Variants in DCN observed in about 807,000 individuals in gnomAD.
The protein encoded by DCN is decorin.
A neutral mutation model predicts 36.5 loss-of-function variants in DCN; 17 were observed. The ratio of observed to expected loss-of-function variants is 0.47; its 90% CI spans 0.32 to 0.70. DCN has a LOEUF of 0.70. Ranked by LOEUF, DCN falls within the 30% of genes least tolerant of loss-of-function variation. The pLI is 0.04. For synonymous variants in DCN, 163 were observed against 161.4 expected (o/e 1.01, Z -0.07); for missense variants, 389 against 430.1 (o/e 0.90, Z 0.84).
Position 91,143,789 on chromosome 12 carries a change from TAC to T in DCN, c.*2267_*2268del, listed in dbSNP as rs1565767632. On this transcript the variant is annotated 3_prime_UTR_variant, in exon 8 of 8. Coordinates refer to ENST00000052754, the MANE Select transcript of DCN (RefSeq NM_001920.5). ...ATCTTTATTTCAAAGGAAATAAAGA[TAC>T]ATATATATGTATATATGCAAAAAGA... 6.7e-6 allele frequency: 1 copy of T among 149,362 alleles called. No individual in the cohort carries two copies. Among genetic ancestry groups the T allele is most frequent in the Non-Finnish European group, 1.5e-5 (1 of 67,512 alleles). 9.3% of individuals were successfully genotyped at this position (149,362 alleles called of 1,614,324 possible).
intron 3 of DCN, among the ~76,000 whole-genome samples, chr12:91,164,285 G>A (rs1294739244): frequency 6.7e-6 from 1 of 150,062 alleles, no homozygotes; most frequent in Non-Finnish European, 1.5e-5. Flanking sequence ...GTTAGTGGGT[G>A]CAGCGCACCA....
In DCN at chr12:91,178,559, T is replaced by G. The variant is rs781069074; in HGVS notation, c.-7A>C. 1 of 1,612,912 alleles carries G rather than the reference T, an allele frequency of 6.2e-7. No individual in the cohort carries two copies. Among genetic ancestry groups the G allele is most frequent in the African/African-American group, 1.3e-5 (1 of 74,844 alleles). On this transcript the variant is annotated 5_prime_UTR_variant, in exon 2 of 8. Transcript: ENST00000052754. ...GGATGATAGTGGCCTTCATGATTTA[T>G]CTCATGTATTTTCACAACCAGGGAA...
intron 2 of DCN, among the ~76,000 whole-genome samples, chr12:91,169,328 C>T (rs1396992607): frequency 1.6e-5 from 2 of 123,762 alleles, no homozygotes; most frequent in East Asian, 5.3e-4. Context: ...CTACAGTGAG[C>T]TGTGATCATG....
At chr12:91,147,632 CA>C (rs1881113696) in intron 7 of DCN, among the ~76,000 whole-genome samples, 1 of 151,612 alleles carries the variant, frequency 6.6e-6, no homozygotes, top group African/African-American at 2.4e-5. Context: ...GTTTTCAGGA[CA>C]AAAAATATAT....
intron 3 of DCN, among the ~76,000 whole-genome samples, chr12:91,161,389 A>T (rs112726035): frequency 1.3e-5 from 2 of 152,378 alleles, no homozygotes; most frequent in African/African-American, 4.8e-5. Flanking sequence ...TCATCCTTTA[A>T]AACAGTAGCT....
rs1416804145 is a variant in DCN at position 91,141,253 on chromosome 12, A to G, written c.*4805T>C. On this transcript the variant is annotated 3_prime_UTR_variant, in exon 8 of 8. Transcript: ENST00000052754. ...ATTGTCATTACCTTTCTGACCTTGT[A>G]TCATATATTATCTCTTCTTGCTCAC... The G allele has an allele frequency of 2.6e-5, 4 of 152,052 alleles. No homozygotes were observed. Among genetic ancestry groups the G allele is most frequent in the South Asian group, 4.1e-4 (2 of 4,826 alleles). The allele number at this position is 152,052 out of a possible 1,614,324, so 9.4% of individuals were successfully genotyped here. A position where few individuals can be genotyped will look rare whatever the true frequency, so the allele number is the denominator to read the frequency against.
intron 5 of DCN, among the ~76,000 whole-genome samples, chr12:91,154,319 G>A (rs1881622127): frequency 6.6e-6 from 1 of 152,062 alleles, no homozygotes. Flanking sequence ...ATTGACCTTG[G>A]CACTTTTCCT....
chr12:91,153,058 C>G, intron 6 of DCN, 38 bp downstream of exon 6: 1 of 1,054,258 alleles, frequency 9.5e-7, no homozygotes, highest in Non-Finnish European at 1.5e-6. Flanking sequence ...TATACCTAGC[C>G]ATTGTTCTGA....
At chr12:91,157,988 G>A (rs570449180) in intron 4 of DCN, among the ~76,000 whole-genome samples, 2 of 152,186 alleles carry the variant, frequency 1.3e-5, no homozygotes, top group Admixed American at 6.5e-5. Context: ...TCCCCAAAAC[G>A]GAAAGGTATC....
intron 2 of DCN, among the ~76,000 whole-genome samples, chr12:91,170,315 T>C (rs1457038566): frequency 2.0e-5 from 3 of 152,172 alleles, no homozygotes; most frequent in East Asian, 3.9e-4. Context: ...AACTCTTTCT[T>C]TTCTGTACAA....
intron 2 of DCN, among the ~76,000 whole-genome samples, chr12:91,165,751 G>GA (rs1565783275): frequency 6.6e-6 from 1 of 152,032 alleles, no homozygotes; most frequent in Non-Finnish European, 1.5e-5. Flanking sequence ...GCCTTTGGTA[G>GA]AAGCAATCTC....
chr12:91,142,845 T>A lies in DCN; in HGVS notation c.*3213A>T, dbSNP rs985782152. Reference sequence around the variant, plus strand: ...AACAGTTTTAATGAAAACAAAAAAATTAAACATTTAATAAGGAAAAAAGAA... The same window carrying A: ...AACAGTTTTAATGAAAACAAAAAAAATAAACATTTAATAAGGAAAAAAGAA... On this transcript the variant is annotated 3_prime_UTR_variant, in exon 8 of 8. Coordinates refer to ENST00000052754, the MANE Select transcript of DCN (RefSeq NM_001920.5). The A allele has an allele frequency of 6.6e-6, 1 of 152,088 alleles. No individual in the cohort carries two copies. Among genetic ancestry groups the A allele is most frequent in the Non-Finnish European group, 1.5e-5 (1 of 68,018 alleles). 9.4% of individuals were successfully genotyped at this position (152,088 alleles called of 1,614,324 possible). A position where few individuals can be genotyped will look rare whatever the true frequency, so the allele number is the denominator to read the frequency against.
In DCN at chr12:91,151,724, C is replaced by T; in HGVS notation, c.815G>A (p.Arg272Lys). 3 of 1,614,044 alleles carry T rather than the reference C, an allele frequency of 1.9e-6. No homozygotes were observed. Among genetic ancestry groups the T allele is most frequent in the Non-Finnish European group, 2.5e-6 (3 of 1,179,970 alleles). ...NGSLANTPHL[R>K]ELHLDNNKLT... ...CTTGTTGTTGTCCAAGTGAAGCTCCCTCAGATGAGGCGTGTTGGCCAGAGA... is the reference window on the plus strand; with the variant it reads ...CTTGTTGTTGTCCAAGTGAAGCTCCTTCAGATGAGGCGTGTTGGCCAGAGA... Residue 272 changes from arginine to lysine, a missense_variant, in exon 7 of 8, where the codon AGG (arginine) becomes AAG (lysine). Coordinates refer to ENST00000052754, the MANE Select transcript of DCN (RefSeq NM_001920.5).
chr12:91,158,449 C>A lies in DCN; in HGVS notation c.385G>T (p.Val129Leu). 6.2e-7 allele frequency: 1 copy of A among 1,610,766 alleles called. No homozygotes were observed. The highest frequency in any genetic ancestry group is 8.5e-7 in the Non-Finnish European group (1 of 1,176,986). ...KVSPGAFTPL[V>L]KLERLYLSKN... ...GACAGATAAAGTCGTTCCAACTTCA[C>A]CAAAGGTGTAAATGCTCCAGGACTA... The change falls in exon 4 of 8, where the codon GTG becomes TTG. Residue 129 changes from valine to leucine, a missense_variant. Coordinates refer to ENST00000052754, the MANE Select transcript of DCN (RefSeq NM_001920.5).
chr12:91,159,583 T>C (rs1882029385), intron 3 of DCN, among the ~76,000 whole-genome samples: 1 of 152,066 alleles, frequency 6.6e-6, no homozygotes, highest in Non-Finnish European at 1.5e-5. Flanking sequence ...ATTTTTCTCC[T>C]GATTTTTTTT....
chr12:91,172,886 AAT>A (rs1261684900), intron 2 of DCN: 2 of 615,196 alleles, frequency 3.3e-6, no homozygotes, highest in African/African-American at 3.7e-5. Context: ...AAAAAAATAA[AAT>A]AGATATATAA....
intron 7 of DCN, chr12:91,151,318 T>TA (rs201715198): frequency 1.1e-3 from 229 of 207,870 alleles, no homozygotes; most frequent in South Asian, 2.8e-3. Context: ...TTAGTGACAG[T>TA]AAAAAAAAAG....
chr12:91,178,214 A>G, intron 2 of DCN, 128 bp downstream of exon 2: 1 of 808,852 alleles, frequency 1.2e-6, no homozygotes, highest in Non-Finnish European at 2.1e-6. Context: ...TGCTTCCTTT[A>G]CTCCTCATTA....
intron 7 of DCN, among the ~76,000 whole-genome samples, chr12:91,149,563 C>T (rs1881271784): frequency 6.6e-6 from 1 of 152,090 alleles, no homozygotes; most frequent in Non-Finnish European, 1.5e-5. Flanking sequence ...ATTTCATCAC[C>T]TTTGTTCAAC....
Sources: allele counts gnomAD v4.1 joint callset (sites outside exome capture counted in the v4.1 genomes callset), GRCh38; gene constraint gnomAD v4.1.1; transcripts MANE v1.5; gene names NCBI Gene and HGNC (gene_info 2026-07-23, HGNC 2026-07-21).